Variants in COL14A1 observed in about 807,000 individuals in gnomAD.
COL14A1 encodes collagen type XIV alpha 1 chain.
COL14A1 carries 136 observed loss-of-function variants against 230.3 expected under a neutral mutation model. That is an observed-to-expected ratio of 0.59 (90% CI 0.51 to 0.68). COL14A1 has a LOEUF of 0.68. Among genes scored for constraint, COL14A1 ranks in the 30% least tolerant of loss-of-function variants. The probability of loss-of-function intolerance (pLI) is 0.00; values close to 1 mark genes in which losing one functional copy is unlikely to be tolerated. For synonymous variants in COL14A1, 792 were observed against 784.1 expected (o/e 1.01, Z -0.17); for missense variants, 1,976 against 2,215.8 (o/e 0.89, Z 2.17).
chr8:120,350,111 C>G (rs906579597), intron 45 of COL14A1, among the ~76,000 whole-genome samples: 3 of 151,484 alleles, frequency 2.0e-5, no homozygotes, highest in Admixed American at 6.6e-5. Context: ...AATTTTCAAC[C>G]CAGAATTTCA....
chr8:120,160,357 C>T (rs1182187870), intron 3 of COL14A1, among the ~76,000 whole-genome samples: 1 of 152,058 alleles, frequency 6.6e-6, no homozygotes, highest in Non-Finnish European at 1.5e-5. Context: ...TGATTGGTAG[C>T]TTAACTTTTT....
intron 10 of COL14A1, among the ~76,000 whole-genome samples, 190 bp downstream of exon 10, chr8:120,207,284 A>T (rs765642336): frequency 1.3e-5 from 2 of 152,206 alleles, no homozygotes; most frequent in African/African-American, 4.8e-5. Flanking sequence ...TACATCTTTC[A>T]TCTCTCCAAA....
chr8:120,176,433 T>TA (rs1816285452), intron 5 of COL14A1, among the ~76,000 whole-genome samples: 1 of 152,140 alleles, frequency 6.6e-6, no homozygotes, highest in Non-Finnish European at 1.5e-5. Flanking sequence ...TATTTTCACT[T>TA]ACTGGGATCT....
rs139740639 is a variant in COL14A1, at chr8:120,283,478, C to A, written c.3825-158C>A. The stretch of plus-strand genomic sequence containing the variant: ...TATAAATTGGACAAATGCACACATT[C>A]TTTACTAAATTAGATCAACAGTGAT... On this transcript the variant is annotated intron_variant, in intron 31 of 47. Transcript: ENST00000297848. Among the ~76,000 whole-genome samples, 348 of 152,214 alleles carry A rather than the reference C, an allele frequency of 2.3e-3. 3 individuals are homozygous for A. The highest frequency in any genetic ancestry group is 8.0e-3 in the African/African-American group (332 of 41,534).
At chr8:120,172,896 T>C (rs1379394409) in intron 5 of COL14A1, among the ~76,000 whole-genome samples, 1 of 152,232 alleles carries the variant, frequency 6.6e-6, no homozygotes, top group Non-Finnish European at 1.5e-5. Context: ...AATGTCTTGA[T>C]TGATAAATTT....
chr8:120,206,646 G>A (rs1326415430), intron 9 of COL14A1, among the ~76,000 whole-genome samples: 1 of 152,188 alleles, frequency 6.6e-6, no homozygotes, highest in Non-Finnish European at 1.5e-5. Flanking sequence ...ACTGTGCCTG[G>A]CTGTTAATGT....
At chr8:120,311,055 A>G (rs1300263785) in intron 37 of COL14A1, among the ~76,000 whole-genome samples, 1 of 152,244 alleles carries the variant, frequency 6.6e-6, no homozygotes, top group African/African-American at 2.4e-5. Context: ...AGATGAAGCA[A>G]GGTAGAAGAA....
At position 120,315,447 on chromosome 8, in the gene COL14A1, A is replaced by G. The variant is rs900669653; in HGVS notation, c.4552-86A>G. ...TTAGTGCAAACGCGATTTACTGTGG[A>G]AACTATTTAAATAATGAGAGAAGGA... On this transcript the variant is annotated intron_variant, in intron 38 of 47. Transcript: ENST00000297848. The G allele has an allele frequency of 1.3e-4, 132 of 985,196 alleles. No individual in the cohort carries two copies. In the East Asian group the frequency reaches 2.2e-3, roughly 16 times the overall value. 61.0% of individuals were successfully genotyped at this position (985,196 alleles called of 1,614,324 possible).
intron 5 of COL14A1, among the ~76,000 whole-genome samples, chr8:120,194,144 C>G (rs1028925390): frequency 1.3e-5 from 2 of 152,210 alleles, no homozygotes; most frequent in African/African-American, 4.8e-5. Context: ...TTCTGCGTCA[C>G]TCACACTGGA....
At chr8:120,323,405 A>C (rs1050437547) in intron 40 of COL14A1, among the ~76,000 whole-genome samples, 1 of 152,226 alleles carries the variant, frequency 6.6e-6, no homozygotes, top group Non-Finnish European at 1.5e-5. Flanking sequence ...TGCTGTACAG[A>C]AGCTCTTTAG....
At chr8:120,357,523 G>T (rs79719309) in intron 45 of COL14A1, among the ~76,000 whole-genome samples, 2 of 152,236 alleles carry the variant, frequency 1.3e-5, no homozygotes, top group East Asian at 3.9e-4. Flanking sequence ...GAGTCACTAA[G>T]CCTGGCCCAC....
At chr8:120,158,108 C>G in intron 2 of COL14A1, 22 bp from the exon 3 acceptor site, 2 of 1,266,530 alleles carry the variant, frequency 1.6e-6, no homozygotes, top group South Asian at 2.6e-5. Context: ...ATGTTTACAT[C>G]ATTTTTGTTC....
intron 1 of COL14A1, among the ~76,000 whole-genome samples, chr8:120,145,838 T>A (rs940973239): frequency 6.6e-6 from 1 of 152,240 alleles, no homozygotes; most frequent in Non-Finnish European, 1.5e-5. Flanking sequence ...GGGCATTTAC[T>A]GTCATCAGAA....
At chr8:120,370,686 C>T (rs1184237858) in intron 47 of COL14A1, 2 of 1,436,200 alleles carry the variant, frequency 1.4e-6, no homozygotes, top group Non-Finnish European at 1.9e-6. Context: ...GTGACAGCTT[C>T]ATAATAAAGT....
At chr8:120,283,884 A>T (rs1820115490) in intron 32 of COL14A1, 106 bp downstream of exon 32, 1 of 819,868 alleles carries the variant, frequency 1.2e-6, no homozygotes, top group Non-Finnish European at 1.9e-6. Flanking sequence ...CACTAATCTT[A>T]TGTGATGTGT....
At chr8:120,234,008 A>T (rs754361956) in intron 19 of COL14A1, among the ~76,000 whole-genome samples, 1 of 152,038 alleles carries the variant, frequency 6.6e-6, no homozygotes, top group African/African-American at 2.4e-5. Context: ...CAGTGGTTTG[A>T]GTTCTCCTTG....
intron 34 of COL14A1, among the ~76,000 whole-genome samples, chr8:120,295,204 C>T (rs1820487409): frequency 6.6e-6 from 1 of 151,754 alleles, no homozygotes. Flanking sequence ...CATAATGGGA[C>T]CTATTTAATA....
chr8:120,284,477 T>C (rs1225249599), intron 32 of COL14A1, among the ~76,000 whole-genome samples: 1 of 152,204 alleles, frequency 6.6e-6, no homozygotes, highest in Non-Finnish European at 1.5e-5. Flanking sequence ...TATCACTGAA[T>C]TTTCTATATC....
chr8:120,323,572 C>A (rs1470126088), intron 40 of COL14A1, among the ~76,000 whole-genome samples: 8 of 152,054 alleles, frequency 5.3e-5, no homozygotes, highest in Non-Finnish European at 1.2e-4. Flanking sequence ...AATTTTTAAT[C>A]CATCTTGAGT....
Sources: allele counts gnomAD v4.1 joint callset (sites outside exome capture counted in the v4.1 genomes callset), GRCh38; gene constraint gnomAD v4.1.1; transcripts MANE v1.5; gene names NCBI Gene and HGNC (gene_info 2026-07-23, HGNC 2026-07-21).